DPP10: variants seen among roughly 807,000 people sequenced by gnomAD.
DPP10 encodes inactive dipeptidyl peptidase 10.
A neutral mutation model predicts 120.9 loss-of-function variants in DPP10; 33 were observed. The ratio of observed to expected loss-of-function variants is 0.27; its 90% CI spans 0.21 to 0.37. DPP10 has a LOEUF of 0.37. DPP10 is among the 10% of genes least tolerant of loss of function. The pLI is 1.00. For synonymous variants in DPP10, 337 were observed against 326.1 expected (o/e 1.03, Z -0.36); for missense variants, 816 against 942.8 (o/e 0.87, Z 1.76).
At chr2:115,434,165 C>G (rs1367801340) in intron 3 of DPP10, among the ~76,000 whole-genome samples, 2 of 151,730 alleles carry the variant, frequency 1.3e-5, no homozygotes, top group Non-Finnish European at 1.5e-5. Flanking sequence ...TCAACAAAAA[C>G]TAAATTAAAT....
At chr2:115,028,463 G>T (rs1192500214) in intron 1 of DPP10, among the ~76,000 whole-genome samples, 1 of 152,062 alleles carries the variant, frequency 6.6e-6, no homozygotes, top group African/African-American at 2.4e-5. Context: ...CACTTGTTCA[G>T]ATTTATGCTC....
intron 2 of DPP10, among the ~76,000 whole-genome samples, chr2:115,334,194 A>G (rs941545556): frequency 2.6e-5 from 3 of 114,952 alleles, no homozygotes; most frequent in South Asian, 2.8e-4. Flanking sequence ...AATTCTAATT[A>G]GTAGAATTTA....
chr2:114,719,323 C>A (rs948360447), intron 1 of DPP10, among the ~76,000 whole-genome samples: 8 of 152,112 alleles, frequency 5.3e-5, no homozygotes, highest in Non-Finnish European at 4.4e-5. Context: ...GGAAATTGTA[C>A]ACTCAAGTCT....
At chr2:114,750,792 T>C (rs1205429379) in intron 1 of DPP10, among the ~76,000 whole-genome samples, 2 of 152,046 alleles carry the variant, frequency 1.3e-5, no homozygotes, top group Non-Finnish European at 2.9e-5. Flanking sequence ...AGGCTAACAA[T>C]AAAAATAACA....
At chr2:115,690,645 T>C (rs1033726794) in intron 7 of DPP10, among the ~76,000 whole-genome samples, 5 of 152,088 alleles carry the variant, frequency 3.3e-5, no homozygotes, top group African/African-American at 1.2e-4. Flanking sequence ...ACTCCTGACC[T>C]CAAGCGATCC....
intron 1 of DPP10, among the ~76,000 whole-genome samples, chr2:114,941,996 G>C (rs907092195): frequency 3.9e-5 from 6 of 151,912 alleles, no homozygotes; most frequent in African/African-American, 1.5e-4. Context: ...TATGTTGGCC[G>C]GGTGCGGTGG....
intron 1 of DPP10, among the ~76,000 whole-genome samples, chr2:114,734,050 A>C (rs1169589958): frequency 1.3e-5 from 2 of 152,176 alleles, no homozygotes; most frequent in East Asian, 1.9e-4. Flanking sequence ...CCTATATATC[A>C]TGGCTTACTT....
intron 13 of DPP10, among the ~76,000 whole-genome samples, chr2:115,770,226 G>A (rs1681292181): frequency 6.6e-6 from 1 of 151,938 alleles, no homozygotes; most frequent in African/African-American, 2.4e-5. Flanking sequence ...TTGACATGCA[G>A]GAATTAAAAT....
chr2:115,106,661 C>T (rs970980552), intron 1 of DPP10, among the ~76,000 whole-genome samples: 1 of 151,890 alleles, frequency 6.6e-6, no homozygotes, highest in Non-Finnish European at 1.5e-5. Flanking sequence ...AAGAGTTTTG[C>T]CTTGTTGCCC....
intron 21 of DPP10, among the ~76,000 whole-genome samples, chr2:115,829,438 T>C (rs1386232597): frequency 6.6e-6 from 1 of 152,106 alleles, no homozygotes; most frequent in East Asian, 1.9e-4. Flanking sequence ...CTCATTTTAA[T>C]ATTTTTAAAA....
At chr2:114,472,692 CT>C (rs1394600651) in intron 1 of DPP10, among the ~76,000 whole-genome samples, 4 of 152,202 alleles carry the variant, frequency 2.6e-5, no homozygotes, top group Non-Finnish European at 5.9e-5. Context: ...CTTCTAGTAA[CT>C]TACCAGAAGA....
intron 1 of DPP10, among the ~76,000 whole-genome samples, chr2:115,212,746 C>G (rs944116538): frequency 6.6e-6 from 1 of 152,052 alleles, no homozygotes; most frequent in Non-Finnish European, 1.5e-5. Context: ...TTTATTATAG[C>G]ATAACTTGCA....
chr2:115,642,970 A>G (rs1004423347), intron 5 of DPP10, among the ~76,000 whole-genome samples: 1 of 152,182 alleles, frequency 6.6e-6, no homozygotes, highest in Admixed American at 6.6e-5. Context: ...GATTGACCTC[A>G]TCTATCATTT....
intron 1 of DPP10, among the ~76,000 whole-genome samples, chr2:114,591,447 T>G (rs532003247): frequency 4.3e-4 from 66 of 152,308 alleles, no homozygotes; most frequent in African/African-American, 1.4e-3. Context: ...TACTGTCTTT[T>G]TCTAATTTGA....
rs962016284 is a variant in DPP10, at chr2:115,177,327, G to T, written c.61-131912G>T. Among the ~76,000 whole-genome samples the T allele has an allele frequency of 5.3e-5, 8 of 152,324 alleles. No individual in the cohort carries two copies. The East Asian group carries it at 1.5e-3, about 29-fold the overall frequency. On this transcript the variant is annotated intron_variant, in intron 1 of 25. Coordinates refer to ENST00000410059, the MANE Select transcript of DPP10 (RefSeq NM_020868.6). ...TTCATCATTTTATGAAAGAGAAGGT[G>T]AATGCTTTGCTCCCGGTTTTTCAGT... is the stretch of plus-strand genomic sequence containing the variant.
intron 7 of DPP10, among the ~76,000 whole-genome samples, chr2:115,706,887 C>G (rs2092131269): frequency 1.3e-5 from 2 of 151,934 alleles, no homozygotes; most frequent in South Asian, 4.1e-4. Context: ...TGTCGAGACT[C>G]TTCATGTCAG....
At chr2:115,464,018 C>T (rs898087820) in intron 3 of DPP10, among the ~76,000 whole-genome samples, 1 of 152,016 alleles carries the variant, frequency 6.6e-6, no homozygotes, top group Admixed American at 6.6e-5. Flanking sequence ...TCTTGCCTAC[C>T]CAAGCTCTTC....
At chr2:115,797,720 C>A (rs1445586996) in intron 19 of DPP10, among the ~76,000 whole-genome samples, 1 of 151,722 alleles carries the variant, frequency 6.6e-6, no homozygotes, top group African/African-American at 2.4e-5. Context: ...CTGTTTTTTT[C>A]TTGAACATAT....
In DPP10 at chr2:115,842,403, G is replaced by A; in HGVS notation, c.*58G>A. The A allele has an allele frequency of 1.3e-6, 2 of 1,562,962 alleles. No individual in the cohort carries two copies. The highest frequency in any genetic ancestry group is 1.7e-6 in the Non-Finnish European group (2 of 1,149,418). ...TTGAGGCTCAATGAAACCTGACAAA[G>A]AGACTGTAATATTGTAGTTGCTCCA... On this transcript the variant is annotated 3_prime_UTR_variant, in exon 26 of 26. Transcript: ENST00000410059.
Sources: allele counts gnomAD v4.1 joint callset (sites outside exome capture counted in the v4.1 genomes callset), GRCh38; gene constraint gnomAD v4.1.1; transcripts MANE v1.5; gene names NCBI Gene and HGNC (gene_info 2026-07-23, HGNC 2026-07-21).